The following ACACB variants were observed in gnomAD, a reference collection of about 807,000 sequenced individuals.
The protein encoded by ACACB is acetyl-CoA carboxylase 2.
Under a neutral mutation model 278.8 loss-of-function variants are expected in ACACB, and 209 were observed. The ratio of observed to expected loss-of-function variants is 0.75; its 90% CI spans 0.67 to 0.84. The LOEUF (loss-of-function observed/expected upper bound fraction) is 0.84. Among genes scored for constraint, ACACB ranks in the 40% least tolerant of loss-of-function variants. ACACB has a pLI of 0.00. For synonymous variants in ACACB, 1,174 were observed against 1,285.6 expected, an observed-to-expected ratio of 0.91 and a Z score of 1.86; for missense variants, 2,850 against 3,269.0, an observed-to-expected ratio of 0.87 and a Z score of 3.13.
upstream of ACACB, among the ~76,000 whole-genome samples, chr12:109,114,455 G>A (rs1308697079): frequency 6.6e-5 from 10 of 152,080 alleles, no homozygotes; most frequent in African/African-American, 2.4e-4. Flanking sequence ...AATTGGTGGG[G>A]GAAGGCATGT....
chr12:109,115,518 A>G (rs569638124), upstream of ACACB, among the ~76,000 whole-genome samples: 1 of 152,280 alleles, frequency 6.6e-6, no homozygotes, highest in African/African-American at 2.4e-5. Context: ...GAGCCATCAC[A>G]AGGGCTACTG....
intron 40 of ACACB, 100 bp from the exon 41 acceptor site, chr12:109,249,884 C>T (rs1302148378): frequency 6.9e-7 from 1 of 1,448,388 alleles, no homozygotes; most frequent in African/African-American, 1.4e-5. Context: ...TGCTTCCAAT[C>T]TCTCACCTTG....
intron 15 of ACACB, 66 bp downstream of exon 15, chr12:109,192,016 G>A: frequency 6.5e-7 from 1 of 1,528,472 alleles, no homozygotes; most frequent in South Asian, 1.1e-5. Context: ...GGCTGAATCT[G>A]TCTCCTTTAT....
Position 109,227,363 on chromosome 12 carries a change from CTTG to C in ACACB, c.3883-6_3883-4del, listed in dbSNP as rs1292723850. ...TGAGAGAATGTCCGTGTGTTTCTGCCTTGTCAGGTTTACGTGCGGAGGGGCTAC... is the reference window on the plus strand; with the variant it reads ...TGAGAGAATGTCCGTGTGTTTCTGCCTCAGGTTTACGTGCGGAGGGGCTAC... On this transcript the variant is annotated splice_region_variant and splice_polypyrimidine_tract_variant and intron_variant, in intron 27 of 52. Transcript: ENST00000338432. The C allele has an allele frequency of 6.2e-7, 1 of 1,608,078 alleles. No individual in the cohort carries two copies. The highest frequency in any genetic ancestry group is 8.5e-7 in the Non-Finnish European group (1 of 1,177,202).
rs771659716 is a variant in ACACB, at chr12:109,191,730, G to A, written c.2262G>A (p.Gly754=). The change falls in exon 14 of 53, where the codon GGG becomes GGA. Residue 754 remains glycine (G), a synonymous_variant. Transcript: ENST00000338432. ...ESFQNNDIDT[G]WLDYLIAEKV... ...TCCAGAACAACGACATCGACACCGG[G>A]TGGTTGGACTACCTCATTGCTGAGA... 3.1e-6 allele frequency: 5 copies of A among 1,614,234 alleles called. No homozygotes were observed. The highest frequency in any genetic ancestry group is 1.1e-5 in the South Asian group (1 of 91,088).
intron 48 of ACACB, among the ~76,000 whole-genome samples, chr12:109,261,586 T>C (rs1242866240): frequency 6.6e-6 from 1 of 151,680 alleles, no homozygotes; most frequent in African/African-American, 2.4e-5. Context: ...ATGTTGGAAA[T>C]GAGGCCAGGC....
rs1347296499 is a variant in ACACB at position 109,237,391 on chromosome 12, G to T, written c.4662+11G>T. Reference sequence around the variant, plus strand: ...GACCTGATCACAAAGGTAAGATGTCGCAGAGCATTTCTTCCTCTCTCAGAA... The same window carrying T: ...GACCTGATCACAAAGGTAAGATGTCTCAGAGCATTTCTTCCTCTCTCAGAA... On this transcript the variant is annotated intron_variant, in intron 34 of 52. Transcript: ENST00000338432. The T allele has an allele frequency of 1.9e-6, 3 of 1,609,334 alleles. No homozygotes were observed. In the South Asian group the frequency reaches 3.3e-5, roughly 18 times the overall value.
At chr12:109,247,551 A>G in intron 39 of ACACB, 55 bp from the exon 40 acceptor site, 1 of 1,299,792 alleles carries the variant, frequency 7.7e-7, no homozygotes, top group South Asian at 1.3e-5. Context: ...AAAAAAAAAC[A>G]GTGGCTTTCA....
At chr12:109,183,506 T>C (rs2044550071) in intron 11 of ACACB, among the ~76,000 whole-genome samples, 1 of 152,250 alleles carries the variant, frequency 6.6e-6, no homozygotes, top group Non-Finnish European at 1.5e-5. Flanking sequence ...ACTTCTTTGG[T>C]TAAGTTTATT....
At chr12:109,242,773 A>G in intron 37 of ACACB, 181 bp downstream of exon 37, 1 of 667,940 alleles carries the variant, frequency 1.5e-6, no homozygotes, top group Non-Finnish European at 2.4e-6. Flanking sequence ...GGATTGCTTG[A>G]GCCCAGGAGT....
At chr12:109,141,451 A>G (rs2043122863) in intron 2 of ACACB, among the ~76,000 whole-genome samples, 4 of 152,222 alleles carry the variant, frequency 2.6e-5, no homozygotes, top group Non-Finnish European at 4.4e-5. Flanking sequence ...ACTTCCAGGT[A>G]GAAAATTTGG....
chr12:109,170,447 C>T (rs139861646), intron 4 of ACACB, among the ~76,000 whole-genome samples: 4 of 152,042 alleles, frequency 2.6e-5, no homozygotes, highest in African/African-American at 7.2e-5. Flanking sequence ...CAAAACATTG[C>T]GTTATGTTCA....
chr12:109,121,711 A>G (rs781473253), intron 1 of ACACB, among the ~76,000 whole-genome samples: 3 of 152,174 alleles, frequency 2.0e-5, no homozygotes, highest in Non-Finnish European at 4.4e-5. Flanking sequence ...CCAGGTAGGC[A>G]GCAGGGGTGG....
Position 109,237,150 on chromosome 12 carries a change from C to G in ACACB, c.4447-15C>G. Reference sequence around the variant, plus strand: ...GTGTGTATGTGTCTGTCTTCTCTCTCTGGTCCGCCTACAGTTTGCAGAAGA... The same window carrying G: ...GTGTGTATGTGTCTGTCTTCTCTCTGTGGTCCGCCTACAGTTTGCAGAAGA... On this transcript the variant is annotated splice_polypyrimidine_tract_variant and intron_variant, in intron 33 of 52. Transcript: ENST00000338432. 1 of 1,613,938 alleles carries G rather than the reference C, an allele frequency of 6.2e-7. No homozygotes were observed. The highest frequency in any genetic ancestry group is 8.5e-7 in the Non-Finnish European group (1 of 1,179,822).
At chr12:109,169,081 G>T (rs2044015619) in intron 4 of ACACB, among the ~76,000 whole-genome samples, 1 of 149,868 alleles carries the variant, frequency 6.7e-6, no homozygotes, top group South Asian at 2.1e-4. Context: ...GGAGGCGGAG[G>T]TTGCAGTAGG....
intron 49 of ACACB, among the ~76,000 whole-genome samples, 189 bp downstream of exon 49, chr12:109,262,658 A>G (rs1832885757): frequency 6.6e-6 from 1 of 151,954 alleles, no homozygotes; most frequent in Non-Finnish European, 1.5e-5. Flanking sequence ...GTCTGGCTCT[A>G]TTGCCTAGGC....
chr12:109,167,230 T>C, intron 3 of ACACB: 1 of 522,202 alleles, frequency 1.9e-6, no homozygotes, highest in Non-Finnish European at 3.4e-6. Context: ...CACATTGTAC[T>C]GTAAAACACT....
At chr12:109,254,447 A>G (rs2047174883) in intron 44 of ACACB, 113 bp downstream of exon 44, 4 of 1,082,240 alleles carry the variant, frequency 3.7e-6, no homozygotes, top group Non-Finnish European at 5.2e-6. Context: ...ATTCGTTCTC[A>G]TATCCCAGAG....
intron 47 of ACACB, chr12:109,260,068 G>A (rs1459006772): frequency 7.4e-7 from 1 of 1,358,166 alleles, no homozygotes; most frequent in Non-Finnish European, 9.7e-7. Flanking sequence ...CATGTAGGGT[G>A]CCTGGGGACC....
Sources: allele counts gnomAD v4.1 joint callset (sites outside exome capture counted in the v4.1 genomes callset), GRCh38; gene constraint gnomAD v4.1.1; transcripts MANE v1.5; gene names NCBI Gene and HGNC (gene_info 2026-07-23, HGNC 2026-07-21).